Variants in FGF12 observed in about 807,000 individuals in gnomAD.
The protein encoded by FGF12 is fibroblast growth factor 12.
A neutral mutation model predicts 23.6 loss-of-function variants in FGF12; 14 were observed. The ratio of observed to expected loss-of-function variants is 0.59; its 90% CI spans 0.39 to 0.93. The LOEUF (loss-of-function observed/expected upper bound fraction) is 0.93, where lower values mean the gene tolerates loss of function less well. FGF12 is among the 40% of genes least tolerant of loss of function. The pLI is 0.00. For synonymous variants in FGF12, 62 were observed against 77.3 expected (o/e 0.80, Z 1.04); for missense variants, 175 against 217.8 (o/e 0.80, Z 1.24).
At chr3:192,284,556 G>T (rs1024548694) in intron 4 of FGF12, among the ~76,000 whole-genome samples, 1 of 152,024 alleles carries the variant, frequency 6.6e-6, no homozygotes, top group Non-Finnish European at 1.5e-5. Flanking sequence ...AAAATAGGAA[G>T]AACAAAATGT....
intron 2 of FGF12, among the ~76,000 whole-genome samples, chr3:192,657,420 T>A (rs1198553362): frequency 6.9e-6 from 1 of 144,380 alleles, no homozygotes; most frequent in Non-Finnish European, 1.5e-5. Context: ...AGAGAACTAT[T>A]AAAAAAAAAA....
intron 2 of FGF12, among the ~76,000 whole-genome samples, chr3:192,446,488 C>T (rs767397318): frequency 6.6e-6 from 1 of 152,178 alleles, no homozygotes; most frequent in Non-Finnish European, 1.5e-5. Context: ...CCATTAGATG[C>T]TATGGAATTA....
chr3:192,496,443 TCCG>T (rs1723960104), intron 2 of FGF12, among the ~76,000 whole-genome samples: 1 of 152,106 alleles, frequency 6.6e-6, no homozygotes, highest in African/African-American at 2.4e-5. Flanking sequence ...ACTTGCAATA[TCCG>T]CCGTCTTTTT....
chr3:192,262,593 T>C (rs1712827328), intron 4 of FGF12, among the ~76,000 whole-genome samples: 1 of 152,128 alleles, frequency 6.6e-6, no homozygotes. Context: ...TACAACTGCC[T>C]ACAGTATTCA....
In FGF12 at chr3:192,141,910, T is replaced by A. The variant is rs1713412033; in HGVS notation, c.*2099A>T. On this transcript the variant is annotated 3_prime_UTR_variant, in exon 6 of 6. Coordinates refer to ENST00000445105, the MANE Select transcript of FGF12 (RefSeq NM_004113.6). The stretch of plus-strand genomic sequence containing the variant: ...TTATTTTTTTCAAATAAAATAAGCT[T>A]TGTGCTTGGGATTTTTTTCTTTTTT... 6.6e-6 allele frequency: 1 copy of A among 152,072 alleles called. No homozygotes were observed. The highest frequency in any genetic ancestry group is 1.5e-5 in the Non-Finnish European group (1 of 67,824). The allele number at this position is 152,072 out of a possible 1,614,324, so 9.4% of individuals were successfully genotyped here.
chr3:192,418,266 C>T (rs938747347), intron 2 of FGF12, among the ~76,000 whole-genome samples: 5 of 152,050 alleles, frequency 3.3e-5, no homozygotes, highest in South Asian at 2.1e-4. Context: ...CTACATACTA[C>T]GCAGCACCAT....
intron 4 of FGF12, among the ~76,000 whole-genome samples, chr3:192,269,742 A>G (rs972074177): frequency 2.0e-5 from 3 of 152,216 alleles, no homozygotes; most frequent in Non-Finnish European, 4.4e-5. Flanking sequence ...CTTGGCATGT[A>G]AACTCATTTA....
At chr3:192,342,917 A>T (rs188579108) in intron 3 of FGF12, among the ~76,000 whole-genome samples, 1 of 152,322 alleles carries the variant, frequency 6.6e-6, no homozygotes, top group East Asian at 1.9e-4. Flanking sequence ...AAAAGGTAAC[A>T]GTCAATCCAA....
At chr3:192,316,447 G>A (rs1716232641) in intron 4 of FGF12, among the ~76,000 whole-genome samples, 2 of 152,162 alleles carry the variant, frequency 1.3e-5, no homozygotes, top group South Asian at 2.1e-4. Flanking sequence ...CAGAACCTGT[G>A]TGTTTGGGGT....
At chr3:192,661,291 G>A (rs1716661070) in intron 2 of FGF12, among the ~76,000 whole-genome samples, 1 of 152,246 alleles carries the variant, frequency 6.6e-6, no homozygotes, top group South Asian at 2.1e-4. Flanking sequence ...GGAGGCCAAG[G>A]CGGGCGGATC....
intron 2 of FGF12, among the ~76,000 whole-genome samples, chr3:192,371,935 A>G (rs1482169615): frequency 6.6e-6 from 1 of 152,194 alleles, no homozygotes; most frequent in African/African-American, 2.4e-5. Flanking sequence ...TGATCAGCCC[A>G]CAAACCCTGT....
At chr3:192,480,004 T>G (rs1390676185) in intron 2 of FGF12, among the ~76,000 whole-genome samples, 1 of 149,698 alleles carries the variant, frequency 6.7e-6, no homozygotes, top group Non-Finnish European at 1.5e-5. Flanking sequence ...AAAGAAGGAT[T>G]TGGGGGCTGG....
chr3:192,302,197 G>A (rs1015928042), intron 4 of FGF12, among the ~76,000 whole-genome samples: 3 of 152,178 alleles, frequency 2.0e-5, no homozygotes, highest in Non-Finnish European at 4.4e-5. Context: ...GGCAGGTCAT[G>A]TCTCCTCTGG....
intron 2 of FGF12, among the ~76,000 whole-genome samples, chr3:192,564,791 G>T (rs1332579012): frequency 6.6e-6 from 1 of 152,176 alleles, no homozygotes; most frequent in Non-Finnish European, 1.5e-5. Context: ...TTGGTATTCA[G>T]AAACAGCATC....
At chr3:192,596,094 A>AAATATAATATAATGTAATATAATAT (rs1553836798) in intron 2 of FGF12, among the ~76,000 whole-genome samples, 1 of 99,478 alleles carries the variant, frequency 1.0e-5, no homozygotes, top group African/African-American at 3.8e-5. Flanking sequence ...CCTGACTCAA[A>AAATATAATATAATGTAATATAATAT]AATATAATAT....
intron 4 of FGF12, chr3:192,283,217 C>G (rs750581378): frequency 1.3e-5 from 2 of 152,044 alleles, no homozygotes; most frequent in East Asian, 1.9e-4. Context: ...GGGGCTAGAA[C>G]ATATGGAACC....
chr3:192,574,303 C>G (rs1712780977), intron 2 of FGF12, among the ~76,000 whole-genome samples: 1 of 152,128 alleles, frequency 6.6e-6, no homozygotes. Flanking sequence ...ATCTGTAAAG[C>G]CTGCTATATA....
chr3:192,345,684 C>G (rs1717922026), intron 3 of FGF12, among the ~76,000 whole-genome samples: 1 of 33,108 alleles, frequency 3.0e-5, no homozygotes. Context: ...GAGACTCCGT[C>G]TCAAAAAAAA....
At chr3:192,711,708 C>T (rs1414043827) in intron 2 of FGF12, among the ~76,000 whole-genome samples, 1 of 152,076 alleles carries the variant, frequency 6.6e-6, no homozygotes, top group Non-Finnish European at 1.5e-5. Flanking sequence ...GGATTAAGGG[C>T]TGTGCAAGAT....
Sources: gnomAD v4.1 joint callset for allele counts (sites outside exome capture counted in the v4.1 genomes callset) on GRCh38, gnomAD v4.1.1 for gene constraint, MANE v1.5 for transcripts, NCBI Gene and HGNC (gene_info 2026-07-23, HGNC 2026-07-21) for gene names.